CACNA2D3: variants seen among roughly 807,000 people sequenced by gnomAD.
CACNA2D3 encodes the protein calcium voltage-gated channel auxiliary subunit alpha2delta 3.
In CACNA2D3, 60 loss-of-function variants were observed where a neutral mutation model predicts 160.6. The observed-to-expected ratio is 0.37, with a 90% CI of 0.30 to 0.46. The LOEUF (loss-of-function observed/expected upper bound fraction) is 0.46, where lower values mean the gene tolerates loss of function less well. CACNA2D3 is among the 20% of genes least tolerant of loss of function. CACNA2D3 has a pLI of 1.00. For missense variants in CACNA2D3, 1,205 were observed against 1,365.0 expected (o/e 0.88, Z 1.85); for synonymous variants, 558 against 492.9 (o/e 1.13, Z -1.75).
chr3:54,385,946 C>G (rs771522370), intron 3 of CACNA2D3: 3 of 509,880 alleles, frequency 5.9e-6, no homozygotes, highest in Admixed American at 4.1e-5. Context: ...GTAATATCCT[C>G]TAGCCTATAT....
intron 11 of CACNA2D3, among the ~76,000 whole-genome samples, chr3:54,697,946 A>G (rs1700693769): frequency 6.6e-6 from 1 of 152,136 alleles, no homozygotes; most frequent in South Asian, 2.1e-4. Flanking sequence ...CCTGCCATTC[A>G]TTCTTGTTTT....
At position 55,009,032 on chromosome 3, in the gene CACNA2D3, A is replaced by G. The variant is rs1392838804; in HGVS notation, c.2820-356A>G. Reference sequence around the variant, plus strand: ...AATATTCTATTTGTATTTCTGAACTAAGGGAAGAGAAGCTTATTAGAAATT... The same window carrying G: ...AATATTCTATTTGTATTTCTGAACTGAGGGAAGAGAAGCTTATTAGAAATT... On this transcript the variant is annotated intron_variant, in intron 33 of 37. Coordinates refer to ENST00000474759, the MANE Select transcript of CACNA2D3 (RefSeq NM_018398.3). 2.0e-5 allele frequency among the ~76,000 whole-genome samples: 3 copies of G among 152,162 alleles called. No individual in the cohort carries two copies. The East Asian group carries it at 5.8e-4, about 29-fold the overall frequency.
At chr3:54,975,728 C>G (rs2107084376) in intron 29 of CACNA2D3, among the ~76,000 whole-genome samples, 1 of 151,868 alleles carries the variant, frequency 6.6e-6, no homozygotes. Flanking sequence ...ATATTTTTTT[C>G]TTCCATAGAT....
intron 35 of CACNA2D3, among the ~76,000 whole-genome samples, chr3:55,021,385 C>T (rs1703441992): frequency 6.6e-6 from 1 of 151,788 alleles, no homozygotes; most frequent in Non-Finnish European, 1.5e-5. Flanking sequence ...CTCTTGCTCC[C>T]TTTCCTCTTG....
intron 12 of CACNA2D3, among the ~76,000 whole-genome samples, chr3:54,755,302 G>GT (rs1267734167): frequency 6.6e-6 from 1 of 152,110 alleles, no homozygotes; most frequent in African/African-American, 2.4e-5. Context: ...AAATGCTTCT[G>GT]TGGGGGGGCT....
chr3:54,167,866 T>G (rs1204322595), intron 2 of CACNA2D3, among the ~76,000 whole-genome samples: 1 of 152,216 alleles, frequency 6.6e-6, no homozygotes, highest in African/African-American at 2.4e-5. Flanking sequence ...AAGGGCTCCC[T>G]GTAGATTCTT....
At chr3:54,935,328 A>T (rs1457331426) in intron 27 of CACNA2D3, among the ~76,000 whole-genome samples, 6 of 152,232 alleles carry the variant, frequency 3.9e-5, no homozygotes, top group African/African-American at 1.2e-4. Context: ...GCCTTCCAGC[A>T]TTCAGTTGTC....
At chr3:54,507,824 T>C (rs1410152377) in intron 5 of CACNA2D3, among the ~76,000 whole-genome samples, 1 of 152,174 alleles carries the variant, frequency 6.6e-6, no homozygotes, top group African/African-American at 2.4e-5. Flanking sequence ...CTGCATACAA[T>C]ACCTGTGCCT....
chr3:54,521,313 T>C (rs1701642910), intron 5 of CACNA2D3, among the ~76,000 whole-genome samples: 1 of 152,224 alleles, frequency 6.6e-6, no homozygotes, highest in Non-Finnish European at 1.5e-5. Context: ...TCAAGGCTTC[T>C]TTTTATGTGC....
intron 11 of CACNA2D3, among the ~76,000 whole-genome samples, chr3:54,705,638 G>A (rs1201047097): frequency 6.6e-6 from 1 of 152,202 alleles, no homozygotes; most frequent in African/African-American, 2.4e-5. Context: ...GGATTGTAGA[G>A]TTATTTAATT....
At chr3:54,344,852 G>C (rs1698427509) in intron 3 of CACNA2D3, among the ~76,000 whole-genome samples, 1 of 152,142 alleles carries the variant, frequency 6.6e-6, no homozygotes, top group African/African-American at 2.4e-5. Context: ...GAGATAGGAG[G>C]TCAGCACAAA....
chr3:54,655,989 A>G (rs1269093459), intron 11 of CACNA2D3, among the ~76,000 whole-genome samples: 1 of 152,180 alleles, frequency 6.6e-6, no homozygotes, highest in Admixed American at 6.5e-5. Context: ...GACAAGAACC[A>G]TGTCCCCATC....
chr3:55,000,965 C>G (rs1170079442), intron 31 of CACNA2D3, among the ~76,000 whole-genome samples: 1 of 152,154 alleles, frequency 6.6e-6, no homozygotes, highest in African/African-American at 2.4e-5. Flanking sequence ...CTAAATCTGG[C>G]TCTATCACCA....
chr3:54,325,765 A>G (rs572022924), intron 3 of CACNA2D3, among the ~76,000 whole-genome samples: 3 of 152,362 alleles, frequency 2.0e-5, no homozygotes, highest in East Asian at 3.9e-4. Flanking sequence ...AGTTGTAGCT[A>G]GACCTACTCA....
At chr3:54,793,450 A>T (rs897779584) in intron 13 of CACNA2D3, among the ~76,000 whole-genome samples, 1 of 152,204 alleles carries the variant, frequency 6.6e-6, no homozygotes, top group Non-Finnish European at 1.5e-5. Flanking sequence ...GGCAATGGGG[A>T]TATATCTGTG....
intron 11 of CACNA2D3, among the ~76,000 whole-genome samples, chr3:54,651,364 A>G (rs767790742): frequency 5.3e-5 from 8 of 151,670 alleles, no homozygotes. Flanking sequence ...GGACAGGAGA[A>G]CTTCAAGATG....
chr3:54,648,601 A>C (rs932483703), intron 11 of CACNA2D3, among the ~76,000 whole-genome samples: 2 of 152,176 alleles, frequency 1.3e-5, no homozygotes, highest in Admixed American at 1.3e-4. Context: ...GCTTTTTTCT[A>C]CTTGAATACA....
chr3:54,606,372 G>C lies in CACNA2D3; in HGVS notation c.964-21415G>C, dbSNP rs541210151. Among the ~76,000 whole-genome samples the C allele has an allele frequency of 9.2e-5, 14 of 152,146 alleles. 1 individual carries two copies. In the East Asian group the frequency reaches 2.5e-3, roughly 27 times the overall value. ...GCAAGTCGGGGCTGGGGAAGGTAGA[G>C]GTAGGACAACCAGTTAGAAGGTTAC... On this transcript the variant is annotated intron_variant, in intron 9 of 37. Coordinates refer to ENST00000474759, the MANE Select transcript of CACNA2D3 (RefSeq NM_018398.3).
chr3:54,516,932 C>T (rs1319544002), intron 5 of CACNA2D3, among the ~76,000 whole-genome samples: 3 of 152,166 alleles, frequency 2.0e-5, no homozygotes, highest in South Asian at 4.1e-4. Context: ...CAGGACCAGT[C>T]GGGGTACCTG....
Sources: gnomAD v4.1 joint callset for allele counts (sites outside exome capture counted in the v4.1 genomes callset) on GRCh38, gnomAD v4.1.1 for gene constraint, MANE v1.5 for transcripts, NCBI Gene and HGNC (gene_info 2026-07-23, HGNC 2026-07-21) for gene names.